Variants in RPS6KA5 observed in about 807,000 individuals in gnomAD.
The protein encoded by RPS6KA5 is ribosomal protein S6 kinase A5.
Under a neutral mutation model 85.5 loss-of-function variants are expected in RPS6KA5, and 27 were observed. The observed-to-expected ratio is 0.32, with a 90% CI of 0.23 to 0.44. The LOEUF is 0.44. Among genes scored for constraint, RPS6KA5 ranks in the 20% least tolerant of loss-of-function variants. RPS6KA5 has a pLI of 1.00. For missense variants in RPS6KA5, 811 were observed against 980.9 expected, an observed-to-expected ratio of 0.83 and a Z score of 2.31; for synonymous variants, 334 against 348.2, an observed-to-expected ratio of 0.96 and a Z score of 0.46.
At chr14:91,001,545 T>C (rs1321651131) in intron 1 of RPS6KA5, among the ~76,000 whole-genome samples, 1 of 152,174 alleles carries the variant, frequency 6.6e-6, no homozygotes, top group African/African-American at 2.4e-5. Flanking sequence ...ATTTACTGAG[T>C]ATCTATTAAA....
intron 1 of RPS6KA5, among the ~76,000 whole-genome samples, chr14:91,023,900 T>C (rs1049842671): frequency 6.6e-6 from 1 of 152,256 alleles, no homozygotes; most frequent in Non-Finnish European, 1.5e-5. Flanking sequence ...GAACTGATAA[T>C]TGTATCATTA....
intron 2 of RPS6KA5, among the ~76,000 whole-genome samples, chr14:90,992,266 C>T (rs1000550943): frequency 5.3e-5 from 8 of 152,012 alleles, no homozygotes; most frequent in African/African-American, 9.7e-5. Context: ...CTTAGTTATC[C>T]CATCTTCTCA....
At chr14:91,024,452 C>T (rs1190449642) in intron 1 of RPS6KA5, among the ~76,000 whole-genome samples, 1 of 151,970 alleles carries the variant, frequency 6.6e-6, no homozygotes, top group Non-Finnish European at 1.5e-5. Flanking sequence ...TTTCCTTTTA[C>T]AGTAGTTTTG....
In RPS6KA5 at chr14:90,894,062, G is replaced by GA. The variant is rs148205780; in HGVS notation, c.1644+350dup. ...ATAAGTTTTCAAAATACATCATTTG[G>GA]AAAAAAAACCCTCTAAAATTATATG... On this transcript the variant is annotated intron_variant, in intron 13 of 16. Transcript: ENST00000614987. The GA allele has an allele frequency of 2.8e-4, 263 of 947,598 alleles. No homozygotes were observed. In the Middle Eastern group the frequency reaches 5.9e-3, roughly 21 times the overall value. 58.7% of individuals were successfully genotyped at this position (947,598 alleles called of 1,614,324 possible).
At position 90,978,472 on chromosome 14, in the gene RPS6KA5, C is replaced by G; in HGVS notation, c.228G>C (p.Lys76Asn). The stretch of plus-strand genomic sequence containing the variant: ...TTTTCAAAACTTTCATGGCATACAG[C>G]TTTCCAGTATCATGGCCACTTATTT... ...VRKISGHDTG[K>N]LYAMKVLKKA... The change falls in exon 3 of 17, where the codon AAG (lysine) becomes AAC (asparagine). Residue 76 changes from lysine to asparagine, a missense_variant. This residue lies in a region of RPS6KA5 where 113 missense variants were observed against 100.0 expected (regional missense o/e 1.13). Coordinates refer to ENST00000614987, the MANE Select transcript of RPS6KA5 (RefSeq NM_004755.4). The G allele has an allele frequency of 6.2e-7, 1 of 1,613,126 alleles. No individual in the cohort carries two copies. Among genetic ancestry groups the G allele is most frequent in the Admixed American group, 1.7e-5 (1 of 59,862 alleles).
chr14:90,885,063 G>A (rs751864317), intron 14 of RPS6KA5, among the ~76,000 whole-genome samples: 2 of 151,544 alleles, frequency 1.3e-5, no homozygotes, highest in Non-Finnish European at 2.9e-5. Flanking sequence ...GACTAGCCTG[G>A]GCAACATGGC....
intron 5 of RPS6KA5, among the ~76,000 whole-genome samples, chr14:90,929,375 T>C (rs2036851271): frequency 1.3e-5 from 2 of 152,234 alleles, no homozygotes; most frequent in East Asian, 3.9e-4. Flanking sequence ...AATGTAGTCA[T>C]CTATACAAAA....
chr14:91,019,393 G>A (rs2139782410), intron 1 of RPS6KA5, among the ~76,000 whole-genome samples: 1 of 152,262 alleles, frequency 6.6e-6, no homozygotes, highest in East Asian at 1.9e-4. Context: ...CCTCTCCTGA[G>A]CAAGAAAGAA....
chr14:90,900,000 G>T, intron 11 of RPS6KA5, 108 bp downstream of exon 11: 1 of 929,996 alleles, frequency 1.1e-6, no homozygotes, highest in Non-Finnish European at 1.5e-6. Context: ...AAACCTTTGG[G>T]TAAGAAAGTC....
intron 5 of RPS6KA5, among the ~76,000 whole-genome samples, chr14:90,928,866 C>A (rs985372971): frequency 2.0e-5 from 3 of 151,768 alleles, no homozygotes; most frequent in Admixed American, 6.6e-5. Context: ...GCTAGGACAA[C>A]CTTGATACTA....
Position 90,949,116 on chromosome 14 carries a change from TA to T in RPS6KA5, c.395-1567del, listed in dbSNP as rs565422292. On this transcript the variant is annotated intron_variant, in intron 3 of 16. Transcript: ENST00000614987. ...CACAAAGCTAATTATTAAAAAGGTG[TA>T]AAGGAACACAGGATTCCTGCAAACT... Among the ~76,000 whole-genome samples the T allele has an allele frequency of 4.6e-3, 707 of 152,320 alleles. 4 individuals are homozygous for T. The highest frequency in any genetic ancestry group is 6.9e-3 in the Non-Finnish European group (469 of 68,028).
At chr14:90,908,140 A>C (rs1438940130) in intron 7 of RPS6KA5, among the ~76,000 whole-genome samples, 1 of 152,250 alleles carries the variant, frequency 6.6e-6, no homozygotes, top group Non-Finnish European at 1.5e-5. Context: ...GCGAAGGCAG[A>C]AAGGAGAAAT....
chr14:91,058,326 T>C (rs190882824), intron 1 of RPS6KA5, among the ~76,000 whole-genome samples: 1 of 152,232 alleles, frequency 6.6e-6, no homozygotes, highest in Non-Finnish European at 1.5e-5. Context: ...TTGAAGCTGA[T>C]GATTCACACA....
intron 8 of RPS6KA5, among the ~76,000 whole-genome samples, chr14:90,903,987 C>T (rs978020933): frequency 6.6e-6 from 1 of 150,782 alleles, no homozygotes; most frequent in Admixed American, 6.6e-5. Context: ...CGCTCTGTCG[C>T]CCAGGCTGGA....
intron 8 of RPS6KA5, among the ~76,000 whole-genome samples, chr14:90,903,739 C>T (rs1260486626): frequency 6.6e-6 from 1 of 152,146 alleles, no homozygotes; most frequent in African/African-American, 2.4e-5. Flanking sequence ...CTACAGGTCT[C>T]CTACTACCAC....
chr14:90,868,064 C>T lies in RPS6KA5; in HGVS notation c.*4010G>A, dbSNP rs771991851. ...CTGAAAATATGCTCCCCCAATAAAA[C>T]ACGTAAATAACTACTCTTAAGGAAA... On this transcript the variant is annotated 3_prime_UTR_variant, in exon 17 of 17. Coordinates refer to ENST00000614987, the MANE Select transcript of RPS6KA5 (RefSeq NM_004755.4). The T allele has an allele frequency of 2.0e-5, 3 of 152,128 alleles. No homozygotes were observed. Among genetic ancestry groups the T allele is most frequent in the Non-Finnish European group, 4.4e-5 (3 of 68,026 alleles). 9.4% of individuals were successfully genotyped at this position (152,128 alleles called of 1,614,324 possible).
chr14:91,008,379 AGAAAT>A (rs1010839583), intron 1 of RPS6KA5, among the ~76,000 whole-genome samples: 3 of 152,224 alleles, frequency 2.0e-5, no homozygotes, highest in African/African-American at 7.2e-5. Flanking sequence ...ATAAGATATG[AGAAAT>A]GTAAGTTAAT....
chr14:90,898,093 T>C (rs1464070800), intron 12 of RPS6KA5, among the ~76,000 whole-genome samples: 1 of 152,196 alleles, frequency 6.6e-6, no homozygotes, highest in Admixed American at 6.5e-5. Flanking sequence ...CCAGATGTGA[T>C]TCTGCCTTCC....
chr14:90,892,517 A>G (rs886539608), intron 13 of RPS6KA5, among the ~76,000 whole-genome samples: 3 of 152,302 alleles, frequency 2.0e-5, no homozygotes, highest in African/African-American at 7.2e-5. Flanking sequence ...ATCCCCTTTT[A>G]TCCTCATCTC....
Sources: gnomAD v4.1 joint callset for allele counts (sites outside exome capture counted in the v4.1 genomes callset) on GRCh38, gnomAD v4.1.1 for gene constraint, gnomAD v4.1.1 regional missense constraint, MANE v1.5 for transcripts, NCBI Gene and HGNC (gene_info 2026-07-23, HGNC 2026-07-21) for gene names.